CYP39A1: variants seen among roughly 807,000 people sequenced by gnomAD.
CYP39A1 encodes cytochrome P450 family 39 subfamily A member 1, also known as 24-hydroxycholesterol 7-alpha-hydroxylase.
Under a neutral mutation model 58.1 loss-of-function variants are expected in CYP39A1, and 49 were observed. That is an observed-to-expected ratio of 0.84 (90% CI 0.67 to 1.07). The LOEUF (loss-of-function observed/expected upper bound fraction) is 1.07. Among genes scored for constraint, CYP39A1 ranks in the 50% least tolerant of loss-of-function variants. The pLI is 0.00. For missense variants in CYP39A1, 531 were observed against 539.4 expected, an observed-to-expected ratio of 0.98 and a Z score of 0.16; for synonymous variants, 209 against 187.6, an observed-to-expected ratio of 1.11 and a Z score of -0.93.
intron 7 of CYP39A1, among the ~76,000 whole-genome samples, chr6:46,624,136 G>A (rs538474327): frequency 6.6e-6 from 1 of 152,226 alleles, no homozygotes; most frequent in East Asian, 1.9e-4. Flanking sequence ...CTTCTGTTGT[G>A]GCCTTTGGGT....
intron 5 of CYP39A1, among the ~76,000 whole-genome samples, chr6:46,632,701 C>T (rs574295448): frequency 6.6e-6 from 1 of 151,276 alleles, no homozygotes; most frequent in African/African-American, 2.5e-5. Flanking sequence ...GAAACTGAAA[C>T]ACAATAAAGT....
At chr6:46,562,211 T>G (rs952534285) in intron 10 of CYP39A1, among the ~76,000 whole-genome samples, 1 of 152,040 alleles carries the variant, frequency 6.6e-6, no homozygotes, top group Non-Finnish European at 1.5e-5. Flanking sequence ...TTAGTACAGA[T>G]GGTGTTTCAC....
At chr6:46,569,866 T>C (rs1771486705) in intron 10 of CYP39A1, among the ~76,000 whole-genome samples, 1 of 152,074 alleles carries the variant, frequency 6.6e-6, no homozygotes, top group South Asian at 2.1e-4. Context: ...GACTTTTGTG[T>C]CAGGGTAATG....
At chr6:46,622,445 A>C (rs906235361) in intron 7 of CYP39A1, among the ~76,000 whole-genome samples, 2 of 151,946 alleles carry the variant, frequency 1.3e-5, no homozygotes, top group Admixed American at 1.3e-4. Context: ...CTCTGCCCCA[A>C]TGTCCCATTA....
chr6:46,565,211 T>C (rs1248929064), intron 10 of CYP39A1, among the ~76,000 whole-genome samples: 2 of 152,000 alleles, frequency 1.3e-5, no homozygotes, highest in Admixed American at 1.3e-4. Context: ...TAGAGGAACT[T>C]GTCAAGGAAA....
At chr6:46,633,287 G>A (rs932048669) in intron 5 of CYP39A1, among the ~76,000 whole-genome samples, 5 of 152,050 alleles carry the variant, frequency 3.3e-5, no homozygotes, top group African/African-American at 1.2e-4. Flanking sequence ...TATACCTCAT[G>A]AAAATCCTAT....
At chr6:46,632,508 T>C (rs1775724854) in intron 5 of CYP39A1, among the ~76,000 whole-genome samples, 1 of 151,970 alleles carries the variant, frequency 6.6e-6, no homozygotes, top group Non-Finnish European at 1.5e-5. Context: ...TCAGGTTTGT[T>C]CTATAGGTAA....
At chr6:46,630,151 G>A (rs1264647366) in intron 6 of CYP39A1, among the ~76,000 whole-genome samples, 2 of 151,630 alleles carry the variant, frequency 1.3e-5, no homozygotes, top group Non-Finnish European at 2.9e-5. Context: ...ACAAAAAACA[G>A]TTTTTTAAGT....
Position 46,636,474 on chromosome 6 carries a change from G to C in CYP39A1, c.647C>G (p.Ser216Ter), listed in dbSNP as rs1290124871. ...TTCCAGGAACCACTTTTTGGATTTT[G>C]ACCAGTTTCTACATGAGAAAAAATA... Reference protein sequence around the residue: ...QLPECLLRNWSKSKKWFLELF... With the variant: ...QLPECLLRNW The change falls in exon 5 of 12, where the codon TCA (serine) becomes TGA (stop). Residue 216 changes from serine to a stop codon, truncating the protein, a stop_gained. Coordinates refer to ENST00000275016, the MANE Select transcript of CYP39A1 (RefSeq NM_016593.5). LOFTEE classifies it high-confidence loss of function. 2 of 1,603,616 alleles carry C rather than the reference G, an allele frequency of 1.2e-6. No homozygotes were observed. The highest frequency in any genetic ancestry group is 2.7e-5 in the African/African-American group (2 of 74,392).
intron 10 of CYP39A1, among the ~76,000 whole-genome samples, chr6:46,572,884 A>G (rs1363107344): frequency 6.6e-6 from 1 of 151,876 alleles, no homozygotes; most frequent in Non-Finnish European, 1.5e-5. Context: ...GATAATTTCA[A>G]AAGACCTATC....
intron 6 of CYP39A1, among the ~76,000 whole-genome samples, chr6:46,630,659 AAG>A (rs1246980444): frequency 1.3e-5 from 2 of 152,172 alleles, no homozygotes; most frequent in African/African-American, 4.8e-5. Flanking sequence ...GACATACAAA[AAG>A]TGTTCCATAA....
intron 7 of CYP39A1, among the ~76,000 whole-genome samples, chr6:46,603,703 C>T (rs1441074377): frequency 1.3e-5 from 2 of 152,194 alleles, no homozygotes; most frequent in East Asian, 1.9e-4. Flanking sequence ...GGTTTACTCA[C>T]TCGTTTACAC....
intron 7 of CYP39A1, among the ~76,000 whole-genome samples, chr6:46,600,326 G>A (rs1022285639): frequency 6.6e-6 from 1 of 151,860 alleles, no homozygotes; most frequent in Non-Finnish European, 1.5e-5. Flanking sequence ...TTGCCATGTT[G>A]GCCAGGCTGG....
chr6:46,578,275 A>C (rs1771944212), intron 10 of CYP39A1, among the ~76,000 whole-genome samples: 2 of 152,156 alleles, frequency 1.3e-5, no homozygotes, highest in South Asian at 4.1e-4. Context: ...CAGCTAAATC[A>C]GTGGTAAGAG....
chr6:46,651,329 G>T (rs1216087561), intron 1 of CYP39A1, among the ~76,000 whole-genome samples: 35 of 152,112 alleles, frequency 2.3e-4, no homozygotes, highest in Admixed American at 2.3e-3. Context: ...GTAAACTATT[G>T]TATCCTCCTA....
Position 46,628,290 on chromosome 6 carries a change from G to A in CYP39A1, c.840+2673C>T, listed in dbSNP as rs1775440499. 1.3e-5 allele frequency among the ~76,000 whole-genome samples: 2 copies of A among 152,154 alleles called. 1 individual carries two copies. Among genetic ancestry groups the A allele is most frequent in the Admixed American group, 1.3e-4 (2 of 15,278 alleles). ...ATATGAATACATATTGGAGAAAAAT[G>A]AACGAAATGTACAAGACAGTGAGAG... On this transcript the variant is annotated intron_variant, in intron 6 of 11. Coordinates refer to ENST00000275016, the MANE Select transcript of CYP39A1 (RefSeq NM_016593.5).
intron 10 of CYP39A1, among the ~76,000 whole-genome samples, chr6:46,576,704 A>G (rs1393615654): frequency 6.6e-6 from 1 of 152,254 alleles, no homozygotes; most frequent in African/African-American, 2.4e-5. Context: ...TGCAACTGGA[A>G]GCACTGATAA....
intron 7 of CYP39A1, among the ~76,000 whole-genome samples, chr6:46,625,182 A>G (rs1775234085): frequency 6.6e-6 from 1 of 152,134 alleles, no homozygotes; most frequent in Non-Finnish European, 1.5e-5. Context: ...GCAAATCACA[A>G]TCTCTATAGC....
At chr6:46,568,123 A>G (rs576720896) in intron 10 of CYP39A1, among the ~76,000 whole-genome samples, 6 of 152,138 alleles carry the variant, frequency 3.9e-5, no homozygotes, top group African/African-American at 1.2e-4. Flanking sequence ...TGGTATTTCA[A>G]TGGAGTTTTG....
Sources: allele counts gnomAD v4.1 joint callset (sites outside exome capture counted in the v4.1 genomes callset), GRCh38; gene constraint gnomAD v4.1.1; transcripts MANE v1.5; gene names NCBI Gene and HGNC (gene_info 2026-07-23, HGNC 2026-07-21).